The following DGKD variants were observed in gnomAD, a reference collection of about 807,000 sequenced individuals.
DGKD encodes diacylglycerol kinase delta.
DGKD carries 68 observed loss-of-function variants against 154.4 expected under a neutral mutation model. The observed-to-expected ratio is 0.44, with a 90% confidence interval of 0.36 to 0.54. DGKD has a LOEUF of 0.54. Ranked by LOEUF, DGKD falls within the 20% of genes least tolerant of loss-of-function variation. The pLI, the probability that DGKD is intolerant of heterozygous loss-of-function variation, is 0.00. For synonymous variants in DGKD, 693 were observed against 638.0 expected (o/e 1.09, Z -1.30); for missense variants, 1,343 against 1,593.6 (o/e 0.84, Z 2.68).
At chr2:233,398,606 AGTT>A (rs1269762713) in intron 3 of DGKD, among the ~76,000 whole-genome samples, 1 of 151,858 alleles carries the variant, frequency 6.6e-6, no homozygotes, top group Non-Finnish European at 1.5e-5. Context: ...TAGTAATTTT[AGTT>A]GTTGTCTTCA....
intron 3 of DGKD, among the ~76,000 whole-genome samples, chr2:233,429,830 C>T (rs565655490): frequency 6.6e-6 from 1 of 152,258 alleles, no homozygotes; most frequent in Non-Finnish European, 1.5e-5. Context: ...AGCCCGGCCC[C>T]AGGTGTTCTT....
intron 1 of DGKD, among the ~76,000 whole-genome samples, chr2:233,378,333 A>G (rs1004561615): frequency 7.3e-5 from 11 of 151,408 alleles, no homozygotes; most frequent in African/African-American, 2.7e-4. Flanking sequence ...AATTGCTTGA[A>G]CTGGGGAGGC....
chr2:233,447,379 G>C (rs1039479549), intron 12 of DGKD: 40 of 628,414 alleles, frequency 6.4e-5, no homozygotes, highest in Middle Eastern at 8.1e-4. Context: ...GCAGTGCTGG[G>C]TGGGGTAGTA....
intron 3 of DGKD, among the ~76,000 whole-genome samples, chr2:233,418,802 C>T (rs1387122691): frequency 2.0e-5 from 3 of 152,008 alleles, no homozygotes; most frequent in African/African-American, 7.3e-5. Flanking sequence ...TTTGGGCCCA[C>T]GTTCCCTTTT....
intron 1 of DGKD, chr2:233,385,823 A>G (rs1703141091): frequency 2.6e-6 from 1 of 388,158 alleles, no homozygotes; most frequent in Admixed American, 3.3e-5. Flanking sequence ...GAAGAAATGC[A>G]GTTTCTGAGA....
chr2:233,409,569 A>G (rs535206373), intron 3 of DGKD, among the ~76,000 whole-genome samples: 5 of 152,228 alleles, frequency 3.3e-5, no homozygotes, highest in African/African-American at 9.6e-5. Context: ...ATGTTAAAAA[A>G]AAATCCCACG....
At chr2:233,432,353 G>A (rs71421698) in intron 3 of DGKD, among the ~76,000 whole-genome samples, 12,635 of 129,430 alleles carry the variant, frequency 0.098, 1,026 homozygotes, top group South Asian at 0.34. Context: ...GTGAAACCTC[G>A]TCTCTACTAA....
intron 3 of DGKD, among the ~76,000 whole-genome samples, chr2:233,426,615 C>G (rs1201542616): frequency 1.3e-5 from 2 of 152,172 alleles, no homozygotes; most frequent in Non-Finnish European, 2.9e-5. Flanking sequence ...TTGTAAGATT[C>G]ATTACATTAT....
intron 1 of DGKD, chr2:233,385,994 CGTGTGT>C (rs1354515749): frequency 9.0e-6 from 4 of 445,962 alleles, no homozygotes; most frequent in South Asian, 3.2e-5. Context: ...TGTGCGTGTG[CGTGTGT>C]GTGCGTGTGT....
intron 3 of DGKD, among the ~76,000 whole-genome samples, chr2:233,418,565 G>T (rs556790718): frequency 1.3e-5 from 2 of 152,324 alleles, no homozygotes; most frequent in African/African-American, 4.8e-5. Flanking sequence ...CCTATCTTCT[G>T]GTAGGTTACA....
At chr2:233,370,411 A>G (rs1393727591) in intron 1 of DGKD, among the ~76,000 whole-genome samples, 1 of 151,218 alleles carries the variant, frequency 6.6e-6, no homozygotes, top group Non-Finnish European at 1.5e-5. Flanking sequence ...AGGGGGTTTC[A>G]CCATGTTGTG....
chr2:233,437,618 G>T, intron 8 of DGKD, 139 bp downstream of exon 8: 1 of 853,664 alleles, frequency 1.2e-6, no homozygotes, highest in East Asian at 2.7e-5. Context: ...GGGGGTGCTG[G>T]AGGAGTTGCA....
chr2:233,359,887 G>C (rs1701701902), intron 1 of DGKD, among the ~76,000 whole-genome samples: 1 of 152,156 alleles, frequency 6.6e-6, no homozygotes, highest in South Asian at 2.1e-4. Context: ...TGAGGAGAGG[G>C]CCAGAATACT....
intron 3 of DGKD, among the ~76,000 whole-genome samples, chr2:233,401,269 T>C (rs1575048961): frequency 6.6e-6 from 1 of 152,324 alleles, no homozygotes; most frequent in East Asian, 1.9e-4. Context: ...TATATGTGTT[T>C]GTGCCTATTA....
chr2:233,378,790 C>T (rs542075454), intron 1 of DGKD, among the ~76,000 whole-genome samples: 13 of 152,204 alleles, frequency 8.5e-5, no homozygotes, highest in African/African-American at 2.4e-4. Flanking sequence ...AACTTCCTGG[C>T]GAGGTGTAGT....
At position 233,441,858 on chromosome 2, in the gene DGKD, A is replaced by C; in HGVS notation, c.1086-29A>C. 5 of 1,593,982 alleles carry C rather than the reference A, an allele frequency of 3.1e-6. No individual in the cohort carries two copies. Among genetic ancestry groups the C allele is most frequent in the Non-Finnish European group, 4.3e-6 (5 of 1,164,160 alleles). On this transcript the variant is annotated intron_variant, in intron 9 of 29. Coordinates refer to ENST00000264057, the MANE Select transcript of DGKD (RefSeq NM_152879.3). This position sits in a 1 kb window ranked among gnomAD's most constrained non-coding sequence, Gnocchi z 5.6. Reference sequence around the variant, plus strand: ...TCATTTGTCCTGTGGAATGGATGTCATTTCACGGCCTTTCTCTTTTCTCTG... The same window carrying C: ...TCATTTGTCCTGTGGAATGGATGTCCTTTCACGGCCTTTCTCTTTTCTCTG...
At chr2:233,415,825 T>A (rs1284708167) in intron 3 of DGKD, among the ~76,000 whole-genome samples, 13 of 152,084 alleles carry the variant, frequency 8.5e-5, no homozygotes. Flanking sequence ...AGGGTCTCAC[T>A]GTGTTGCCCA....
intron 19 of DGKD, among the ~76,000 whole-genome samples, chr2:233,455,146 C>T (rs1166117576): frequency 6.6e-6 from 1 of 152,188 alleles, no homozygotes; most frequent in African/African-American, 2.4e-5. Context: ...ATGAGAGCCC[C>T]AAGTCCGTGA....
At chr2:233,416,815 C>A (rs2061971285) in intron 3 of DGKD, among the ~76,000 whole-genome samples, 1 of 152,212 alleles carries the variant, frequency 6.6e-6, no homozygotes, top group East Asian at 1.9e-4. Flanking sequence ...TGCAGGTACT[C>A]TGCCCTCCTG....
Sources: gnomAD v4.1 joint callset for allele counts (sites outside exome capture counted in the v4.1 genomes callset) on GRCh38, gnomAD v4.1.1 for gene constraint, Gnocchi (gnomAD v3.1) non-coding constraint, MANE v1.5 for transcripts, NCBI Gene and HGNC (gene_info 2026-07-23, HGNC 2026-07-21) for gene names.